NPR3: variants seen among roughly 807,000 people sequenced by gnomAD.
NPR3 encodes natriuretic peptide receptor 3.
NPR3 carries 34 observed loss-of-function variants against 54.5 expected under a neutral mutation model. The observed-to-expected ratio is 0.62, with a 90% CI of 0.47 to 0.83. The LOEUF is 0.83. NPR3 is among the 40% of genes least tolerant of loss of function. NPR3 has a pLI of 0.00. For missense variants in NPR3, 674 were observed against 720.8 expected, an observed-to-expected ratio of 0.94 and a Z score of 0.74; for synonymous variants, 289 against 297.1, an observed-to-expected ratio of 0.97 and a Z score of 0.28.
intron 1 of NPR3, among the ~76,000 whole-genome samples, chr5:32,718,837 T>C (rs1337402161): frequency 1.3e-5 from 2 of 152,182 alleles, no homozygotes; most frequent in African/African-American, 4.8e-5. Context: ...GAATACCCTT[T>C]ATTTCTTTCT....
chr5:32,691,249 G>A (rs541253725), intron 1 of NPR3, among the ~76,000 whole-genome samples: 1 of 152,302 alleles, frequency 6.6e-6, no homozygotes, highest in African/African-American at 2.4e-5. Context: ...GCAAAGTTGC[G>A]GTTTTAGCGA....
intron 3 of NPR3, among the ~76,000 whole-genome samples, chr5:32,766,484 G>C (rs1440313651): frequency 6.6e-6 from 1 of 152,122 alleles, no homozygotes; most frequent in Non-Finnish European, 1.5e-5. Context: ...TTCATTTTAG[G>C]AGCATTTCCA....
chr5:32,758,476 AT>A (rs1450056906), intron 3 of NPR3, among the ~76,000 whole-genome samples: 1 of 151,958 alleles, frequency 6.6e-6, no homozygotes, highest in Non-Finnish European at 1.5e-5. Flanking sequence ...TATTGCGTCT[AT>A]TTGATTCTTC....
At chr5:32,702,232 C>T (rs1238539757) in intron 1 of NPR3, among the ~76,000 whole-genome samples, 7 of 152,092 alleles carry the variant, frequency 4.6e-5, no homozygotes, top group Non-Finnish European at 8.8e-5. Context: ...GAGCTGGTAC[C>T]CAAGCCACAT....
intron 2 of NPR3, among the ~76,000 whole-genome samples, chr5:32,735,969 G>T (rs140921981): frequency 1.3e-5 from 2 of 152,046 alleles, no homozygotes; most frequent in East Asian, 3.9e-4. Flanking sequence ...GGTGGCTCAC[G>T]CCTGTAATCC....
At chr5:32,729,575 T>C (rs1289235032) in intron 2 of NPR3, among the ~76,000 whole-genome samples, 1 of 152,184 alleles carries the variant, frequency 6.6e-6, no homozygotes, top group Non-Finnish European at 1.5e-5. Flanking sequence ...TAGGTTTTCA[T>C]ACAAACCTAA....
chr5:32,786,788 G>GA lies in NPR3; in HGVS notation c.*448dup, dbSNP rs1742663431. 1 of 176,634 alleles carries GA rather than the reference G, an allele frequency of 5.7e-6. No individual in the cohort carries two copies. Among genetic ancestry groups the GA allele is most frequent in the African/African-American group, 2.4e-5 (1 of 41,610 alleles). 10.9% of individuals were successfully genotyped at this position (176,634 alleles called of 1,614,324 possible). ...ACACCCAAAAAGGGGAAAATGTAAT[G>GA]AAAAATCTCAAGGTTGGAAATACAG... On this transcript the variant is annotated 3_prime_UTR_variant, in exon 8 of 8. Transcript: ENST00000265074.
At chr5:32,784,632 A>G (rs1433010944) in intron 6 of NPR3, among the ~76,000 whole-genome samples, 164 bp from the exon 7 acceptor site, 1 of 152,242 alleles carries the variant, frequency 6.6e-6, no homozygotes, top group Non-Finnish European at 1.5e-5. Flanking sequence ...AACAAACAAA[A>G]ACATAAAACA....
chr5:32,710,857 TG>T (rs1430806647), upstream of NPR3: 29 of 1,275,236 alleles, frequency 2.3e-5, no homozygotes, highest in South Asian at 9.8e-5. Context: ...CCCCCAGTCC[TG>T]GTTTTTTTTT....
chr5:32,724,916 A>G (rs1363593659), intron 2 of NPR3, 96 bp downstream of exon 2: 12 of 1,329,376 alleles, frequency 9.0e-6, no homozygotes, highest in Non-Finnish European at 1.3e-5. Context: ...TATGTGGTAC[A>G]TAAACACCAT....
chr5:32,733,017 G>A (rs992028450), intron 2 of NPR3, among the ~76,000 whole-genome samples: 16 of 151,860 alleles, frequency 1.1e-4, no homozygotes, highest in African/African-American at 3.9e-4. Context: ...CTTAATTTTT[G>A]TATTTTTAGT....
chr5:32,738,168 G>T (rs1474550453), intron 2 of NPR3, among the ~76,000 whole-genome samples: 1 of 151,982 alleles, frequency 6.6e-6, no homozygotes, highest in African/African-American at 2.4e-5. Flanking sequence ...TTTAAGTTCT[G>T]GGATATATGT....
Position 32,774,908 on chromosome 5 carries a change from A to T in NPR3, c.1195+65A>T, listed in dbSNP as rs144940712. 2.2e-4 allele frequency: 297 copies of T among 1,325,826 alleles called. 1 individual carries two copies. In the African/African-American group the frequency reaches 3.2e-3, roughly 14 times the overall value. The allele number at this position is 1,325,826 out of a possible 1,614,324, so 82.1% of individuals were successfully genotyped here. On this transcript the variant is annotated intron_variant, in intron 4 of 7. Coordinates refer to ENST00000265074, the MANE Select transcript of NPR3 (RefSeq NM_001204375.2). Reference sequence around the variant, plus strand: ...TGAGCTGCTGCTTTTCTGGTTCTGTATTTCTCAGTTGCAGCTGTGGGGCCT... The same window carrying T: ...TGAGCTGCTGCTTTTCTGGTTCTGTTTTTCTCAGTTGCAGCTGTGGGGCCT...
At chr5:32,755,416 T>A (rs16890235) in intron 3 of NPR3, among the ~76,000 whole-genome samples, 1 of 152,080 alleles carries the variant, frequency 6.6e-6, no homozygotes, top group Admixed American at 6.5e-5. Context: ...AGCACACATA[T>A]AGTTAAGCCT....
chr5:32,773,275 AC>A (rs1261770876), intron 3 of NPR3, among the ~76,000 whole-genome samples: 1 of 151,806 alleles, frequency 6.6e-6, no homozygotes, highest in East Asian at 1.9e-4. Context: ...TTTTTTGTAA[AC>A]CTCTTGGTGT....
At chr5:32,782,261 G>C (rs901243190) in intron 5 of NPR3, among the ~76,000 whole-genome samples, 1 of 152,222 alleles carries the variant, frequency 6.6e-6, no homozygotes, top group Non-Finnish European at 1.5e-5. Flanking sequence ...CCTGAAAGAC[G>C]CTCTTTAATT....
At chr5:32,739,896 T>C (rs1451012905) in intron 3 of NPR3, among the ~76,000 whole-genome samples, 4 of 152,150 alleles carry the variant, frequency 2.6e-5, no homozygotes, top group African/African-American at 9.7e-5. Flanking sequence ...TCTTCTTTTT[T>C]TTGAGTCAAC....
chr5:32,774,762 C>G lies in NPR3; in HGVS notation c.1114C>G (p.Leu372Val). 6.2e-7 allele frequency: 1 copy of G among 1,603,974 alleles called. No individual in the cohort carries two copies. The highest frequency in any genetic ancestry group is 8.5e-7 in the Non-Finnish European group (1 of 1,170,798). ...TGCCATCCTCCTCTACGTCTTGGCT[C>G]TACATGAAGTACTCAGAGCTGGTTA... ...HDAILLYVLA[L>V]HEVLRAGYSK... The change falls in exon 4 of 8, where the codon CTA (leucine) becomes GTA (valine). Residue 372 changes from leucine to valine, a missense_variant. Leu to Val is a conservative substitution (Grantham distance 32, BLOSUM62 1). Coordinates refer to ENST00000265074, the MANE Select transcript of NPR3 (RefSeq NM_001204375.2).
chr5:32,709,449 C>G (rs1363094973), upstream of NPR3: 2 of 151,278 alleles, frequency 1.3e-5, no homozygotes, highest in Non-Finnish European at 2.9e-5. Flanking sequence ...TAAACGCCTG[C>G]CCTTCTGCAA....
Sources: gnomAD v4.1 joint callset for allele counts (sites outside exome capture counted in the v4.1 genomes callset) on GRCh38, gnomAD v4.1.1 for gene constraint, MANE v1.5 for transcripts, NCBI Gene and HGNC (gene_info 2026-07-23, HGNC 2026-07-21) for gene names.